The following TFCP2 variants were observed in gnomAD, a reference collection of about 807,000 sequenced individuals.
TFCP2 encodes the protein transcription factor CP2.
A neutral mutation model predicts 73.4 loss-of-function variants in TFCP2; 33 were observed. That is an observed-to-expected ratio of 0.45 (90% CI 0.34 to 0.60). The LOEUF is 0.60. TFCP2 is among the 20% of genes least tolerant of loss of function. TFCP2 has a pLI of 0.01. For missense variants in TFCP2, 352 were observed against 604.0 expected (o/e 0.58, Z 4.37); for synonymous variants, 193 against 211.6 (o/e 0.91, Z 0.76).
chr12:51,104,717 T>A lies in TFCP2; in HGVS notation c.918-514A>T, dbSNP rs1411425133. 2.0e-5 allele frequency among the ~76,000 whole-genome samples: 3 copies of A among 151,474 alleles called. No homozygotes were observed. In the East Asian group the frequency reaches 5.8e-4, roughly 29 times the overall value. On this transcript the variant is annotated intron_variant, in intron 8 of 14. Coordinates refer to ENST00000257915, the MANE Select transcript of TFCP2 (RefSeq NM_005653.5). ...ACAGATTTAAAATAAAAAACAATTTTTTTTTTTTTTTTGAGACGGAGTCTC... is the reference window on the plus strand; with the variant it reads ...ACAGATTTAAAATAAAAAACAATTTATTTTTTTTTTTTGAGACGGAGTCTC...
intron 1 of TFCP2, among the ~76,000 whole-genome samples, chr12:51,129,041 C>T (rs1940879695): frequency 6.6e-6 from 1 of 152,018 alleles, no homozygotes. Flanking sequence ...TGAGAAACAA[C>T]TAGGCTTTTA....
chr12:51,120,208 C>G (rs1263441840), intron 1 of TFCP2, among the ~76,000 whole-genome samples: 2 of 121,612 alleles, frequency 1.6e-5, no homozygotes, highest in South Asian at 5.2e-4. Context: ...AAAAGAACAA[C>G]AACAACAACA....
rs951272759 is a variant in TFCP2 at position 51,108,780 on chromosome 12, T to A, written c.717+341A>T. Among the ~76,000 whole-genome samples the A allele has an allele frequency of 1.1e-4, 17 of 151,948 alleles. No individual in the cohort carries two copies. In the East Asian group the frequency reaches 2.7e-3, roughly 24 times the overall value. ...CCAGTCTCAAAAATAAATAAATAAA[T>A]AAATAAGACCAAATAAGAAAAGATC... On this transcript the variant is annotated intron_variant, in intron 6 of 14. Coordinates refer to ENST00000257915, the MANE Select transcript of TFCP2 (RefSeq NM_005653.5).
At chr12:51,120,355 G>A (rs560155558) in intron 1 of TFCP2, among the ~76,000 whole-genome samples, 31 of 152,048 alleles carry the variant, frequency 2.0e-4, no homozygotes, top group Admixed American at 5.2e-4. Context: ...TATAATGCTC[G>A]ACAAAAAAAG....
rs995369828 is a variant in TFCP2, at chr12:51,109,037, G to A, written c.717+84C>T. 19 of 1,481,092 alleles carry A rather than the reference G, an allele frequency of 1.3e-5. No individual in the cohort carries two copies. In the East Asian group the frequency reaches 4.3e-4, roughly 34 times the overall value. The allele number at this position is 1,481,092 out of a possible 1,614,324, so 91.7% of individuals were successfully genotyped here. On this transcript the variant is annotated intron_variant, in intron 6 of 14. Transcript: ENST00000257915. ...TGTGTGAGTTTTCAAAAAAAGACAAGTTGATTTTCTGACTTGGTAACTAAT... is the reference window on the plus strand; with the variant it reads ...TGTGTGAGTTTTCAAAAAAAGACAAATTGATTTTCTGACTTGGTAACTAAT...
chr12:51,127,147 G>T (rs537632316), intron 1 of TFCP2, among the ~76,000 whole-genome samples: 16 of 152,302 alleles, frequency 1.1e-4, no homozygotes, highest in Admixed American at 1.0e-3. Context: ...GATCAGAAAA[G>T]AAGTAGTGGA....
chr12:51,101,166 A>G (rs549746026), intron 11 of TFCP2, among the ~76,000 whole-genome samples: 1 of 152,050 alleles, frequency 6.6e-6, no homozygotes. Flanking sequence ...TTAGCTGGGC[A>G]TGGTGGCAGG....
chr12:51,157,701 T>G (rs1941568086), intron 1 of TFCP2, among the ~76,000 whole-genome samples: 1 of 142,552 alleles, frequency 7.0e-6, no homozygotes, highest in Admixed American at 7.1e-5. Flanking sequence ...TTTTTTTTTT[T>G]TTTGAGACAG....
chr12:51,099,358 G>C (rs1324223190), intron 12 of TFCP2, among the ~76,000 whole-genome samples: 2 of 151,742 alleles, frequency 1.3e-5, no homozygotes, highest in Admixed American at 1.3e-4. Flanking sequence ...AGTAGCTTTA[G>C]TTCTAGCTAC....
At chr12:51,135,125 A>C (rs967035902) in intron 1 of TFCP2, among the ~76,000 whole-genome samples, 2 of 136,994 alleles carry the variant, frequency 1.5e-5, no homozygotes, top group Admixed American at 7.3e-5. Context: ...AAAAAAAAAA[A>C]CAAAAAACCT....
chr12:51,148,525 C>T (rs566736265), intron 1 of TFCP2, among the ~76,000 whole-genome samples: 9 of 151,604 alleles, frequency 5.9e-5, no homozygotes, highest in Non-Finnish European at 1.3e-4. Flanking sequence ...TATGGTGAAA[C>T]TCCATTTCTA....
intron 13 of TFCP2, among the ~76,000 whole-genome samples, chr12:51,097,918 A>G (rs148118018): frequency 1.3e-5 from 2 of 152,094 alleles, no homozygotes; most frequent in Non-Finnish European, 2.9e-5. Context: ...TGGGAGGCTG[A>G]GGCAGGAGAA....
intron 1 of TFCP2, among the ~76,000 whole-genome samples, chr12:51,157,681 C>CTTTTTTTTTTTTTTTTTTTTTTTTTTTT (rs770963610): frequency 2.6e-5 from 2 of 77,288 alleles, no homozygotes; most frequent in African/African-American, 4.6e-5. Context: ...TTTTTCTTTT[C>CTTTTTTTTTTTTTTTTTTTTTTTTTTTT]TTTTCTTTTT....
chr12:51,145,137 G>A (rs1566224262), intron 1 of TFCP2, among the ~76,000 whole-genome samples: 1 of 150,602 alleles, frequency 6.6e-6, no homozygotes, highest in Non-Finnish European at 1.5e-5. Context: ...GGAGGCAGAG[G>A]TTGCAGTGAG....
At chr12:51,099,993 T>C (rs1406890974) in intron 11 of TFCP2, among the ~76,000 whole-genome samples, 2 of 152,158 alleles carry the variant, frequency 1.3e-5, no homozygotes, top group Non-Finnish European at 2.9e-5. Flanking sequence ...TGAGACATCA[T>C]ATAAACCTCT....
chr12:51,107,050 G>T, intron 7 of TFCP2, 186 bp downstream of exon 7: 1 of 627,568 alleles, frequency 1.6e-6, no homozygotes. Context: ...CTTGGACACA[G>T]AGACAGTGGC....
At chr12:51,115,221 A>G (rs1223718962) in intron 4 of TFCP2, among the ~76,000 whole-genome samples, 4 of 143,792 alleles carry the variant, frequency 2.8e-5, no homozygotes, top group Admixed American at 7.3e-5. Flanking sequence ...CCGGGTTCAC[A>G]CCATTCTCCT....
At position 51,104,186 on chromosome 12, in the gene TFCP2, T is replaced by G. The variant is rs1199322409; in HGVS notation, c.935A>C (p.His312Pro). Residue 312 changes from histidine to proline, a missense_variant, in exon 9 of 15, where the codon CAC becomes CCC. His to Pro is a moderately conservative substitution (Grantham distance 77). Transcript: ENST00000257915. ...SLGEGNGSPN[H>P]QPEPPPPVTD... ...GACTGGAGGGGGTGGCTCTGGCTGG[T>G]GGTTTGGTGAACCATTTCTAAAGAA... 1 of 1,614,102 alleles carries G rather than the reference T, an allele frequency of 6.2e-7. No individual in the cohort carries two copies. The highest frequency in any genetic ancestry group is 8.5e-7 in the Non-Finnish European group (1 of 1,179,998).
At chr12:51,120,807 C>A (rs1337756488) in intron 1 of TFCP2, among the ~76,000 whole-genome samples, 2 of 147,542 alleles carry the variant, frequency 1.4e-5, no homozygotes, top group East Asian at 2.1e-4. Context: ...TGGAGACACA[C>A]ATCTGTAATC....
Sources: allele counts gnomAD v4.1 joint callset (sites outside exome capture counted in the v4.1 genomes callset), GRCh38; gene constraint gnomAD v4.1.1; transcripts MANE v1.5; gene names NCBI Gene and HGNC (gene_info 2026-07-23, HGNC 2026-07-21).